PRMT9: variants seen among roughly 807,000 people sequenced by gnomAD.
The protein encoded by PRMT9 is protein arginine methyltransferase 9.
PRMT9 carries 59 observed loss-of-function variants against 83.2 expected under a neutral mutation model. The observed-to-expected ratio is 0.71, with a 90% CI of 0.57 to 0.88. The LOEUF is 0.88. Ranked by LOEUF, PRMT9 falls within the 40% of genes least tolerant of loss-of-function variation. PRMT9 has a pLI of 0.00. For missense variants in PRMT9, 947 were observed against 1,021.9 expected, an observed-to-expected ratio of 0.93 and a Z score of 1.00; for synonymous variants, 333 against 353.2, an observed-to-expected ratio of 0.94 and a Z score of 0.64.
In PRMT9 at chr4:147,638,009, T is replaced by G; in HGVS notation, c.*523A>C. 1 of 154,902 alleles carries G rather than the reference T, an allele frequency of 6.5e-6. No individual in the cohort carries two copies. Among genetic ancestry groups the G allele is most frequent in the Non-Finnish European group, 1.4e-5 (1 of 69,812 alleles). The allele number at this position is 154,902 out of a possible 1,614,324, so 9.6% of individuals were successfully genotyped here. A position where few individuals can be genotyped will look rare whatever the true frequency, so the allele number is the denominator to read the frequency against. On this transcript the variant is annotated 3_prime_UTR_variant, in exon 12 of 12. Transcript: ENST00000322396. ...TGTATTCCCTAACTCCTTTACTGTT[T>G]TAATTACATTTAGCTTATAGCTTAA...
intron 1 of PRMT9, among the ~76,000 whole-genome samples, chr4:147,681,486 G>C (rs112866674): frequency 1.3e-5 from 2 of 152,288 alleles, no homozygotes; most frequent in African/African-American, 4.8e-5. Context: ...AGAGAGACAA[G>C]GATAAGAAAG....
At chr4:147,683,699 C>T in intron 1 of PRMT9, 100 bp downstream of exon 1, 1 of 1,184,376 alleles carries the variant, frequency 8.4e-7, no homozygotes, top group South Asian at 1.3e-5. Context: ...AACCACCCAC[C>T]CAGGCACCCT....
chr4:147,675,170 G>T (rs1735989262), intron 2 of PRMT9, among the ~76,000 whole-genome samples: 1 of 151,972 alleles, frequency 6.6e-6, no homozygotes, highest in South Asian at 2.1e-4. Context: ...AGTAGAGATG[G>T]GGTTTCTCCA....
At chr4:147,642,970 C>T (rs1427217786) in intron 9 of PRMT9, 30 bp from the exon 10 acceptor site, 1 of 1,609,682 alleles carries the variant, frequency 6.2e-7, no homozygotes, top group Non-Finnish European at 8.5e-7. Context: ...TTTTAAAAAG[C>T]TCTTGGGGCA....
intron 6 of PRMT9, 169 bp from the exon 7 acceptor site, chr4:147,661,207 T>C (rs1734926206): frequency 3.7e-6 from 2 of 545,394 alleles, no homozygotes; most frequent in Non-Finnish European, 6.4e-6. Flanking sequence ...CCACTAACTA[T>C]AAAGGAAAAC....
chr4:147,658,112 A>C, intron 7 of PRMT9, 137 bp from the exon 8 acceptor site: 1 of 650,714 alleles, frequency 1.5e-6, no homozygotes, highest in African/African-American at 1.8e-5. Flanking sequence ...GCACACCTAT[A>C]ACCATGTAAG....
intron 9 of PRMT9, 41 bp downstream of exon 9, chr4:147,653,810 CA>C (rs368548509): frequency 1.5e-3 from 1,880 of 1,214,662 alleles, no homozygotes; most frequent in Admixed American, 1.7e-3. Flanking sequence ...AATCTGACCT[CA>C]AAAAAAAAAC....
chr4:147,643,273 T>C (rs189470384), intron 9 of PRMT9, among the ~76,000 whole-genome samples: 19 of 151,712 alleles, frequency 1.3e-4, no homozygotes, highest in Admixed American at 1.1e-3. Context: ...TCTCAAAAAA[T>C]CATAAAATAA....
chr4:147,644,646 T>C (rs1017923355), intron 9 of PRMT9, among the ~76,000 whole-genome samples: 2 of 151,836 alleles, frequency 1.3e-5, no homozygotes, highest in African/African-American at 4.8e-5. Flanking sequence ...ATACCACATG[T>C]GGGCTTCCCT....
In PRMT9 at chr4:147,668,644, G is replaced by A; in HGVS notation, c.848C>T (p.Thr283Ile). The stretch of plus-strand genomic sequence containing the variant: ...TTCACAATTAGCACTTTCACCTTTG[G>A]TCTAAAAAAAATAACAATAAGAATT... ...AWEHLLLQPK[T>I]KGESANCEKY... Residue 283 changes from threonine to isoleucine, a missense_variant and splice_region_variant, in exon 6 of 12, where the codon ACC (threonine) becomes ATC (isoleucine). Transcript: ENST00000322396. The A allele has an allele frequency of 6.4e-7, 1 of 1,571,604 alleles. No homozygotes were observed. Among genetic ancestry groups the A allele is most frequent in the African/African-American group, 1.3e-5 (1 of 74,136 alleles).
At position 147,678,163 on chromosome 4, in the gene PRMT9, C is replaced by T. The variant is rs146032518; in HGVS notation, c.338+2160G>A. Among the ~76,000 whole-genome samples the T allele has an allele frequency of 1.6e-3, 237 of 152,170 alleles. 4 individuals carry two copies. Among genetic ancestry groups the T allele is most frequent in the African/African-American group, 5.3e-3 (221 of 41,502 alleles). On this transcript the variant is annotated intron_variant, in intron 2 of 11. Transcript: ENST00000322396. Reference sequence around the variant, plus strand: ...ATTGATTGTTAAGAACTAATGAACTCGAGATACGTTTAATAAGAGAAATTC... The same window carrying T: ...ATTGATTGTTAAGAACTAATGAACTTGAGATACGTTTAATAAGAGAAATTC...
At chr4:147,651,097 C>A (rs1285699240) in intron 9 of PRMT9, among the ~76,000 whole-genome samples, 1 of 149,934 alleles carries the variant, frequency 6.7e-6, no homozygotes, top group Admixed American at 6.6e-5. Context: ...AGTGAGACTC[C>A]ATCTCAAAAA....
rs2126594057 is a variant in PRMT9, at chr4:147,654,120, C to T, written c.1777G>A (p.Val593Ile). 6.2e-7 allele frequency: 1 copy of T among 1,614,178 alleles called. No homozygotes were observed. The highest frequency in any genetic ancestry group is 1.3e-5 in the African/African-American group (1 of 75,038). Residue 593 changes from valine to isoleucine, a missense_variant, in exon 9 of 12, where the codon GTT becomes ATT. By Grantham distance (29) the Val-to-Ile change is conservative. Transcript: ENST00000322396. ...YVLDVSEGFS[V>I]LPVIAGTLGQ... ...AGTGTGCCAGCAATAACAGGCAGAACAGAGAAGCCTTCGGACACATCTAAC... is the reference window on the plus strand; with the variant it reads ...AGTGTGCCAGCAATAACAGGCAGAATAGAGAAGCCTTCGGACACATCTAAC...
At chr4:147,673,950 T>A in intron 2 of PRMT9, 76 bp from the exon 3 acceptor site, 1 of 1,200,936 alleles carries the variant, frequency 8.3e-7, no homozygotes, top group Non-Finnish European at 1.2e-6. Context: ...TTTATGCCAC[T>A]CACTTGGCCT....
intron 6 of PRMT9, among the ~76,000 whole-genome samples, chr4:147,663,915 T>C (rs1475116643): frequency 2.0e-5 from 3 of 152,210 alleles, no homozygotes; most frequent in African/African-American, 7.2e-5. Flanking sequence ...CAAAAGATAC[T>C]TGTGTATCTT....
rs995852096 is a variant in PRMT9 at position 147,638,421 on chromosome 4, T to A, written c.*111A>T. ...AAATATGCTTTATTAATGTCAATTT[T>A]AAAAAATATTTGACCATTACAAGGA... On this transcript the variant is annotated 3_prime_UTR_variant, in exon 12 of 12. Transcript: ENST00000322396. 4.3e-5 allele frequency: 33 copies of A among 770,582 alleles called. No individual in the cohort carries two copies. The highest frequency in any genetic ancestry group is 1.3e-4 in the South Asian group (9 of 67,482). 47.7% of individuals were successfully genotyped at this position (770,582 alleles called of 1,614,324 possible). A position where few individuals can be genotyped will look rare whatever the true frequency, so the allele number is the denominator to read the frequency against.
At chr4:147,644,539 T>TAAA (rs35094215) in intron 9 of PRMT9, among the ~76,000 whole-genome samples, 2,372 of 111,778 alleles carry the variant, frequency 0.021, 89 homozygotes, top group East Asian at 0.085. Flanking sequence ...TGCTTATGGT[T>TAAA]AAAAAAAAAA....
Position 147,660,868 on chromosome 4 carries a change from G to A in PRMT9, c.1124C>T (p.Thr375Ile). Residue 375 changes from threonine (T) to isoleucine (I), a missense_variant, in exon 7 of 12, where the codon ACA becomes ATA. Coordinates refer to ENST00000322396, the MANE Select transcript of PRMT9 (RefSeq NM_138364.4). ...CACCTGAAGGTTGTTGAAATCTACTGTCATAATTTCAAAGCACTCTGTCAA... is the reference window on the plus strand; with the variant it reads ...CACCTGAAGGTTGTTGAAATCTACTATCATAATTTCAAAGCACTCTGTCAA... The part of the protein sequence containing the change: ...LALTECFEIM[T>I]VDFNNLQELK... 1 of 1,612,768 alleles carries A rather than the reference G, an allele frequency of 6.2e-7. No individual in the cohort carries two copies. Among genetic ancestry groups the A allele is most frequent in the Non-Finnish European group, 8.5e-7 (1 of 1,178,964 alleles).
At chr4:147,650,995 G>A (rs959981339) in intron 9 of PRMT9, among the ~76,000 whole-genome samples, 4 of 151,986 alleles carry the variant, frequency 2.6e-5, no homozygotes, top group African/African-American at 4.8e-5. Flanking sequence ...CCAGCTACTC[G>A]GGAGGCTGAG....
Sources: allele counts gnomAD v4.1 joint callset (sites outside exome capture counted in the v4.1 genomes callset), GRCh38; gene constraint gnomAD v4.1.1; transcripts MANE v1.5; gene names NCBI Gene and HGNC (gene_info 2026-07-23, HGNC 2026-07-21).